Variants in HERC2 observed in about 807,000 individuals in gnomAD.
HERC2 encodes E3 ubiquitin-protein ligase HERC2.
In HERC2, 102 loss-of-function variants were observed where a neutral mutation model predicts 537.7. That is an observed-to-expected ratio of 0.19 (90% CI 0.16 to 0.22). The LOEUF (loss-of-function observed/expected upper bound fraction) is 0.22. Ranked by LOEUF, HERC2 falls within the 10% of genes least tolerant of loss-of-function variation. The probability of loss-of-function intolerance (pLI) is 1.00; values close to 1 mark genes in which losing one functional copy is unlikely to be tolerated. For missense variants in HERC2, 4,236 were observed against 6,198.2 expected, an observed-to-expected ratio of 0.68 and a Z score of 10.63; for synonymous variants, 2,224 against 2,466.2, an observed-to-expected ratio of 0.90 and a Z score of 2.91.
chr15:28,209,013 A>C (rs1234659066), intron 44 of HERC2, among the ~76,000 whole-genome samples: 4 of 152,272 alleles, frequency 2.6e-5, no homozygotes, highest in Admixed American at 6.5e-5. Context: ...AAAGTGACAC[A>C]AGCTCATTCT....
chr15:28,261,552 A>C (rs2075415597), intron 15 of HERC2, among the ~76,000 whole-genome samples: 1 of 152,216 alleles, frequency 6.6e-6, no homozygotes, highest in Non-Finnish European at 1.5e-5. Context: ...ATTCTATCCT[A>C]GGAACTTACC....
At chr15:28,140,817 G>A (rs901458055) in intron 78 of HERC2, among the ~76,000 whole-genome samples, 4 of 151,390 alleles carry the variant, frequency 2.6e-5, no homozygotes, top group African/African-American at 4.9e-5. Context: ...CCACCGCACC[G>A]GGTCAGCAGC....
intron 45 of HERC2, chr15:28,203,676 G>A (rs1338693574): frequency 6.6e-6 from 1 of 152,028 alleles, no homozygotes; most frequent in East Asian, 1.9e-4. Context: ...TTCCTGCACT[G>A]CAGGGGCTGG....
chr15:28,232,916 T>C (rs1567048023), intron 30 of HERC2, among the ~76,000 whole-genome samples: 1 of 152,262 alleles, frequency 6.6e-6, no homozygotes, highest in South Asian at 2.1e-4. Context: ...ATCAATTTAC[T>C]AGTAATCAAA....
chr15:28,233,637 A>ATTTCC, intron 28 of HERC2, 27 bp downstream of exon 28: 1 of 1,612,632 alleles, frequency 6.2e-7, no homozygotes, highest in Non-Finnish European at 8.5e-7. Flanking sequence ...CAGTGTACCT[A>ATTTCC]AAGTACACAG....
chr15:28,239,226 G>A (rs1902788116), intron 23 of HERC2, among the ~76,000 whole-genome samples: 1 of 152,138 alleles, frequency 6.6e-6, no homozygotes, highest in Non-Finnish European at 1.5e-5. Context: ...TCAAAATACT[G>A]CAGATCGAAA....
intron 4 of HERC2, among the ~76,000 whole-genome samples, chr15:28,284,919 G>GGAAAAA (rs2076114850): frequency 3.1e-5 from 1 of 32,526 alleles, no homozygotes; most frequent in Non-Finnish European, 6.4e-5. Context: ...CTCCGTCTCG[G>GGAAAAA]AAAAAAAAAA....
Position 28,196,517 on chromosome 15 carries a change from G to T in HERC2, c.8064C>A (p.His2688Gln). ...DIIVDFPQQSHWTGLLSEMEL... is the reference protein window; with the variant it reads ...DIIVDFPQQSQWTGLLSEMEL... ...CCATTTCTGATAGCAACCCAGTCCA[G>T]TGAGACTGCTGGGGAAAGTCGACAA... The change falls in exon 51 of 93, where the codon CAC (histidine) becomes CAA (glutamine). Residue 2688 changes from histidine (H) to glutamine (Q), a missense_variant. Around this residue, in one of 27 missense-constraint regions of HERC2, gnomAD observed 606 missense variants for 884.5 expected, o/e 0.69. Coordinates refer to ENST00000261609, the MANE Select transcript of HERC2 (RefSeq NM_004667.6). 1 of 1,613,692 alleles carries T rather than the reference G, an allele frequency of 6.2e-7. No homozygotes were observed. The highest frequency in any genetic ancestry group is 8.5e-7 in the Non-Finnish European group (1 of 1,179,630).
chr15:28,214,301 T>A, intron 40 of HERC2, 29 bp from the exon 41 acceptor site: 1 of 1,579,960 alleles, frequency 6.3e-7, no homozygotes, highest in African/African-American at 1.3e-5. Context: ...GAGAAGCTGC[T>A]GCACCGCTCT....
intron 37 of HERC2, among the ~76,000 whole-genome samples, chr15:28,220,043 T>C (rs1900354476): frequency 6.6e-6 from 1 of 152,100 alleles, no homozygotes; most frequent in Non-Finnish European, 1.5e-5. Context: ...TGGGGTGTGC[T>C]TGGGCAGGGG....
chr15:28,233,109 A>G (rs1159065885), intron 30 of HERC2, 37 bp downstream of exon 30: 2 of 1,528,606 alleles, frequency 1.3e-6, no homozygotes, highest in South Asian at 1.1e-5. Flanking sequence ...GTGAAGCACA[A>G]GCTTTAATAG....
intron 23 of HERC2, among the ~76,000 whole-genome samples, chr15:28,243,802 G>A (rs964404121): frequency 3.3e-5 from 5 of 152,154 alleles, no homozygotes; most frequent in Admixed American, 6.5e-5. Context: ...CACAATCACC[G>A]TGGAAAACTG....
chr15:28,158,876 G>A (rs544183173), intron 69 of HERC2, among the ~76,000 whole-genome samples: 275 of 151,230 alleles, frequency 1.8e-3, no homozygotes, highest in African/African-American at 5.9e-3. Flanking sequence ...GGTTGGTACC[G>A]GTTGTTCCTT....
intron 26 of HERC2, among the ~76,000 whole-genome samples, chr15:28,235,520 A>G (rs1902336226): frequency 6.6e-6 from 1 of 152,144 alleles, no homozygotes; most frequent in Non-Finnish European, 1.5e-5. Context: ...ATGGACACCA[A>G]GATCCTCCTT....
At chr15:28,158,667 T>C (rs1253381955) in intron 69 of HERC2, among the ~76,000 whole-genome samples, 37 of 152,338 alleles carry the variant, frequency 2.4e-4, no homozygotes, top group African/African-American at 8.9e-4. Flanking sequence ...TACAGCACAC[T>C]GATGGGTCTT....
At chr15:28,272,043 C>G (rs1178248517) in intron 9 of HERC2, 172 bp downstream of exon 9, 2 of 609,836 alleles carry the variant, frequency 3.3e-6, no homozygotes, top group Non-Finnish European at 5.7e-6. Flanking sequence ...TGATCCGAGT[C>G]TTCTCCACAA....
intron 83 of HERC2, 63 bp from the exon 84 acceptor site, chr15:28,125,256 G>A: frequency 7.3e-7 from 1 of 1,367,938 alleles, no homozygotes; most frequent in Non-Finnish European, 1.0e-6. Context: ...ATGGCTGCCA[G>A]TGTCTTCCCA....
chr15:28,297,829 C>T (rs1667389), intron 3 of HERC2, among the ~76,000 whole-genome samples: 144,165 of 148,172 alleles, frequency 0.97, 70,210 homozygotes, highest in Non-Finnish European at 0.99. Context: ...TCATTATATA[C>T]AAATTTTACC....
At chr15:28,236,312 C>T (rs563701103) in intron 26 of HERC2, among the ~76,000 whole-genome samples, 15 of 151,714 alleles carry the variant, frequency 9.9e-5, no homozygotes, top group Non-Finnish European at 1.6e-4. Context: ...CCTTTTGAGA[C>T]GGAGTCTCGC....
Sources: allele counts gnomAD v4.1 joint callset (sites outside exome capture counted in the v4.1 genomes callset), GRCh38; gene constraint gnomAD v4.1.1; regional missense constraint gnomAD v4.1.1; transcripts MANE v1.5; gene names NCBI Gene and HGNC (gene_info 2026-07-23, HGNC 2026-07-21).